The following HDHD2 variants were observed in gnomAD, a reference collection of about 807,000 sequenced individuals.
The protein encoded by HDHD2 is haloacid dehalogenase like hydrolase domain containing 2, also known as haloacid dehalogenase-like hydrolase domain-containing protein 2.
A neutral mutation model predicts 24.8 loss-of-function variants in HDHD2; 26 were observed. The observed-to-expected ratio is 1.05, with a 90% CI of 0.77 to 1.45. The LOEUF (loss-of-function observed/expected upper bound fraction) is 1.45, where lower values mean the gene tolerates loss of function less well. Among genes scored for constraint, HDHD2 ranks in the 40% most tolerant of loss-of-function variants. The probability of loss-of-function intolerance (pLI) is 0.00; values close to 1 mark genes in which losing one functional copy is unlikely to be tolerated. For missense variants in HDHD2, 299 were observed against 313.4 expected, an observed-to-expected ratio of 0.95 and a Z score of 0.35; for synonymous variants, 128 against 114.9, an observed-to-expected ratio of 1.11 and a Z score of -0.73.
At chr18:47,114,839 T>C (rs1216046381) in intron 5 of HDHD2, among the ~76,000 whole-genome samples, 1 of 151,276 alleles carries the variant, frequency 6.6e-6, no homozygotes, top group African/African-American at 2.4e-5. Context: ...GAACTATATA[T>C]ATAATATACA....
At chr18:47,115,442 C>T (rs950950311) in intron 4 of HDHD2, 94 bp from the exon 5 acceptor site, 21 of 770,370 alleles carry the variant, frequency 2.7e-5, no homozygotes, top group African/African-American at 2.6e-4. Context: ...GCTGTATTCA[C>T]ACCCACAGAA....
Position 47,115,312 on chromosome 18 carries a change from G to A in HDHD2, c.432C>T (p.His144=). Residue 144 remains histidine, a synonymous_variant, in exon 5 of 7, where the codon CAC becomes CAT. Coordinates refer to ENST00000300605, the MANE Select transcript of HDHD2 (RefSeq NM_032124.5). ...CTTTCCTCTTGTAATACCTGGCTTT[G>A]TGGATTGCTATCAGAGGTGCTCCAT... ...LLDGAPLIAI[H]KARYYKRKDG... is the part of the protein sequence containing the mutation. 1 of 1,613,960 alleles carries A rather than the reference G, an allele frequency of 6.2e-7. No homozygotes were observed.
At chr18:47,133,599 G>A (rs1422522815) in intron 3 of HDHD2, among the ~76,000 whole-genome samples, 1 of 151,876 alleles carries the variant, frequency 6.6e-6, no homozygotes, top group Non-Finnish European at 1.5e-5. Flanking sequence ...CCCAACAACA[G>A]TGTAAAAGTG....
At chr18:47,111,028 T>A (rs779196502) in intron 6 of HDHD2, 163 of 985,148 alleles carry the variant, frequency 1.7e-4, no homozygotes, top group Non-Finnish European at 1.9e-4. Flanking sequence ...ACTTGTCCAC[T>A]GCACTGAGTT....
chr18:47,107,779 G>C lies in HDHD2; in HGVS notation c.*903C>G, dbSNP rs184038416. 1 of 152,708 alleles carries C rather than the reference G, an allele frequency of 6.5e-6. No individual in the cohort carries two copies. Among genetic ancestry groups the C allele is most frequent in the Admixed American group, 6.5e-5 (1 of 15,302 alleles). 9.5% of individuals were successfully genotyped at this position (152,708 alleles called of 1,614,324 possible). A position where few individuals can be genotyped will look rare whatever the true frequency, so the allele number is the denominator to read the frequency against. The stretch of plus-strand genomic sequence containing the variant: ...TAGCTTCTAAAAAATTTTTCCCATA[G>C]TGTCAGAGGCAAAAATAATGAAATC... On this transcript the variant is annotated 3_prime_UTR_variant, in exon 7 of 7. Coordinates refer to ENST00000300605, the MANE Select transcript of HDHD2 (RefSeq NM_032124.5).
intron 1 of HDHD2, among the ~76,000 whole-genome samples, chr18:47,138,629 G>T (rs745473681): frequency 6.6e-6 from 1 of 152,164 alleles, no homozygotes; most frequent in Non-Finnish European, 1.5e-5. Flanking sequence ...GCGAAAGAAG[G>T]ATGTTTTCAT....
chr18:47,123,263 T>C (rs1271940364), intron 4 of HDHD2, among the ~76,000 whole-genome samples: 1 of 152,238 alleles, frequency 6.6e-6, no homozygotes, highest in Non-Finnish European at 1.5e-5. Flanking sequence ...GCTTTCTATG[T>C]ATTAGCAATA....
chr18:47,140,144 C>T lies in HDHD2; in HGVS notation c.-10-3695G>A, dbSNP rs539267515. Reference sequence around the variant, plus strand: ...AATGTACACATTCTTTCACAATTTTCGTGATTTATTTTGCTCAACATTGTA... The same window carrying T: ...AATGTACACATTCTTTCACAATTTTTGTGATTTATTTTGCTCAACATTGTA... On this transcript the variant is annotated intron_variant, in intron 1 of 6. Coordinates refer to ENST00000300605, the MANE Select transcript of HDHD2 (RefSeq NM_032124.5). 1.2e-4 allele frequency among the ~76,000 whole-genome samples: 18 copies of T among 152,278 alleles called. No homozygotes were observed. In the South Asian group the frequency reaches 2.7e-3, roughly 23 times the overall value.
intron 2 of HDHD2, among the ~76,000 whole-genome samples, chr18:47,135,089 C>T (rs1397116108): frequency 6.6e-6 from 1 of 152,002 alleles, no homozygotes; most frequent in Non-Finnish European, 1.5e-5. Flanking sequence ...ATAAAATGAA[C>T]ATCATGACTC....
At chr18:47,144,761 C>T (rs1304779331) in intron 1 of HDHD2, among the ~76,000 whole-genome samples, 1 of 145,442 alleles carries the variant, frequency 6.9e-6, no homozygotes, top group Non-Finnish European at 1.5e-5. Flanking sequence ...GATAGCACCA[C>T]TGCATTCCAG....
chr18:47,128,064 G>A (rs1277937911), intron 4 of HDHD2, among the ~76,000 whole-genome samples: 2 of 152,078 alleles, frequency 1.3e-5, no homozygotes, highest in African/African-American at 4.8e-5. Flanking sequence ...AAAAAGGGAA[G>A]ACCTAAAATC....
chr18:47,150,167 G>A (rs1487666756), intron 1 of HDHD2: 1 of 152,324 alleles, frequency 6.6e-6, no homozygotes. Flanking sequence ...CGCGCCTCGC[G>A]CCCAGCTATG....
chr18:47,144,799 C>CAAA (rs200234127), intron 1 of HDHD2, among the ~76,000 whole-genome samples: 2,618 of 61,144 alleles, frequency 0.043, 27 homozygotes, highest in Non-Finnish European at 0.065. Context: ...GACCCTGTCT[C>CAAA]AAAAAAAAAA....
At position 47,107,861 on chromosome 18, in the gene HDHD2, C is replaced by G. The variant is rs1002853370; in HGVS notation, c.*821G>C. ...GACACTAACTTCAAAAATGCATGGTCTATAAGATATTATAAGGCTTGATTC... is the reference window on the plus strand; with the variant it reads ...GACACTAACTTCAAAAATGCATGGTGTATAAGATATTATAAGGCTTGATTC... On this transcript the variant is annotated 3_prime_UTR_variant, in exon 7 of 7. Coordinates refer to ENST00000300605, the MANE Select transcript of HDHD2 (RefSeq NM_032124.5). 1.3e-5 allele frequency: 2 copies of G among 152,586 alleles called. No individual in the cohort carries two copies. Among genetic ancestry groups the G allele is most frequent in the Non-Finnish European group, 2.9e-5 (2 of 68,014 alleles). 9.5% of individuals were successfully genotyped at this position (152,586 alleles called of 1,614,324 possible). A position where few individuals can be genotyped will look rare whatever the true frequency, so the allele number is the denominator to read the frequency against.
chr18:47,115,119 T>A lies in HDHD2; in HGVS notation c.612+13A>T. 6.2e-7 allele frequency: 1 copy of A among 1,601,806 alleles called. No homozygotes were observed. The highest frequency in any genetic ancestry group is 8.5e-7 in the Non-Finnish European group (1 of 1,170,260). On this transcript the variant is annotated intron_variant, in intron 5 of 6. Transcript: ENST00000300605. The stretch of plus-strand genomic sequence containing the variant: ...AGGTGAGCTGGGAGCACCTCCTGGG[T>A]TCTTCTACTTACATCTCCTATCATG...
At chr18:47,139,936 T>A (rs1197361810) in intron 1 of HDHD2, among the ~76,000 whole-genome samples, 1 of 152,184 alleles carries the variant, frequency 6.6e-6, no homozygotes, top group Non-Finnish European at 1.5e-5. Context: ...ATCTACCTCA[T>A]CCCCAACTTA....
At chr18:47,139,659 G>C (rs1216009986) in intron 1 of HDHD2, among the ~76,000 whole-genome samples, 1 of 152,096 alleles carries the variant, frequency 6.6e-6, no homozygotes, top group Non-Finnish European at 1.5e-5. Flanking sequence ...GAAAATGGAG[G>C]AGGCAGTCTT....
intron 1 of HDHD2, among the ~76,000 whole-genome samples, chr18:47,144,842 A>G (rs568776800): frequency 6.6e-6 from 1 of 151,878 alleles, no homozygotes; most frequent in South Asian, 2.1e-4. Flanking sequence ...AGAAAAAAAA[A>G]CAACACAAAG....
intron 4 of HDHD2, among the ~76,000 whole-genome samples, chr18:47,120,065 T>A (rs1395290785): frequency 6.6e-6 from 1 of 152,250 alleles, no homozygotes; most frequent in Non-Finnish European, 1.5e-5. Flanking sequence ...TCAGGCTTTG[T>A]TATTCCATTT....
Sources: gnomAD v4.1 joint callset for allele counts (sites outside exome capture counted in the v4.1 genomes callset) on GRCh38, gnomAD v4.1.1 for gene constraint, MANE v1.5 for transcripts, NCBI Gene and HGNC (gene_info 2026-07-23, HGNC 2026-07-21) for gene names.